Variants in CNTN4 observed in about 807,000 individuals in gnomAD.
CNTN4 encodes contactin 4, also known as contactin-4.
In CNTN4, 77 loss-of-function variants were observed where a neutral mutation model predicts 122.5. That is an observed-to-expected ratio of 0.63 (90% CI 0.52 to 0.76). CNTN4 has a LOEUF of 0.76. Among genes scored for constraint, CNTN4 ranks in the 30% least tolerant of loss-of-function variants. The pLI is 0.00. For synonymous variants in CNTN4, 512 were observed against 447.0 expected, an observed-to-expected ratio of 1.15 and a Z score of -1.83; for missense variants, 1,256 against 1,259.1, an observed-to-expected ratio of 1.00 and a Z score of 0.04.
Position 2,592,468 on chromosome 3 carries a change from G to A in CNTN4, c.55+20910G>A, listed in dbSNP as rs11929252. 4.5e-3 allele frequency among the ~76,000 whole-genome samples: 687 copies of A among 152,286 alleles called. 1 individual carries two copies. The highest frequency in any genetic ancestry group is 0.016 in the African/African-American group (646 of 41,556). ...CTCCCATAATTCCCACATGTTGTGG[G>A]ACGTACCGGGTAAGAGATGATTGAA... is the stretch of plus-strand genomic sequence containing the variant. On this transcript the variant is annotated intron_variant, in intron 4 of 24. Transcript: ENST00000418658.
At chr3:2,108,807 T>C (rs1161185634) in intron 2 of CNTN4, among the ~76,000 whole-genome samples, 2 of 152,212 alleles carry the variant, frequency 1.3e-5, no homozygotes, top group Non-Finnish European at 2.9e-5. Flanking sequence ...GTGAAGATTA[T>C]GTAGAGTACT....
intron 3 of CNTN4, among the ~76,000 whole-genome samples, chr3:2,388,724 A>C (rs1159682234): frequency 1.3e-5 from 2 of 152,164 alleles, no homozygotes; most frequent in Non-Finnish European, 2.9e-5. Context: ...ATGCATCTGC[A>C]ATCCCAGCTA....
intron 13 of CNTN4, among the ~76,000 whole-genome samples, chr3:2,961,737 A>G (rs2094861922): frequency 6.6e-6 from 1 of 152,170 alleles, no homozygotes; most frequent in South Asian, 2.1e-4. Context: ...AATGCTTTAA[A>G]CAGGGCTTAG....
chr3:2,131,324 C>T (rs537967008), intron 2 of CNTN4, among the ~76,000 whole-genome samples: 1 of 152,180 alleles, frequency 6.6e-6, no homozygotes, highest in East Asian at 1.9e-4. Context: ...GATTTGCAGC[C>T]CATAGACTCA....
At chr3:2,606,576 C>G (rs1303381260) in intron 4 of CNTN4, among the ~76,000 whole-genome samples, 1 of 152,182 alleles carries the variant, frequency 6.6e-6, no homozygotes, top group African/African-American at 2.4e-5. Context: ...ATTTAGGAAG[C>G]TATTGTGTTA....
intron 3 of CNTN4, among the ~76,000 whole-genome samples, chr3:2,529,148 C>T (rs2077505595): frequency 6.6e-6 from 1 of 152,102 alleles, no homozygotes; most frequent in Non-Finnish European, 1.5e-5. Flanking sequence ...ACTCTACTCT[C>T]TACTTCTAGG....
chr3:2,306,487 G>A (rs1407521294), intron 2 of CNTN4, among the ~76,000 whole-genome samples: 4 of 152,002 alleles, frequency 2.6e-5, no homozygotes, highest in Admixed American at 6.6e-5. Flanking sequence ...TTTTTTAACT[G>A]GGTCTTTTTT....
chr3:2,530,544 G>C (rs1018636672), intron 3 of CNTN4, among the ~76,000 whole-genome samples: 1 of 151,924 alleles, frequency 6.6e-6, no homozygotes, highest in Non-Finnish European at 1.5e-5. Flanking sequence ...TCCTGACCTC[G>C]TGATCTGCCT....
At chr3:2,270,677 A>G (rs547883385) in intron 2 of CNTN4, among the ~76,000 whole-genome samples, 1 of 128,964 alleles carries the variant, frequency 7.8e-6, no homozygotes, top group East Asian at 2.0e-4. Context: ...GTCATTTTCT[A>G]GCTGGAACCA....
intron 2 of CNTN4, among the ~76,000 whole-genome samples, chr3:2,332,871 A>C (rs947305382): frequency 6.6e-6 from 1 of 151,870 alleles, no homozygotes; most frequent in Non-Finnish European, 1.5e-5. Context: ...TAAAACTTAA[A>C]GTATAATAAT....
At chr3:2,388,851 AAAAC>A (rs1194204208) in intron 3 of CNTN4, among the ~76,000 whole-genome samples, 11 of 151,214 alleles carry the variant, frequency 7.3e-5, no homozygotes, top group Non-Finnish European at 1.3e-4. Flanking sequence ...TCTCAAACAA[AAAAC>A]AAACAAACAA....
At chr3:2,260,467 G>A (rs1343382810) in intron 2 of CNTN4, among the ~76,000 whole-genome samples, 1 of 152,046 alleles carries the variant, frequency 6.6e-6, no homozygotes, top group African/African-American at 2.4e-5. Flanking sequence ...GTGTTATTAG[G>A]ATGAGATTTA....
chr3:2,941,107 A>G (rs982249906), intron 13 of CNTN4, among the ~76,000 whole-genome samples: 4 of 152,348 alleles, frequency 2.6e-5, no homozygotes, highest in African/African-American at 9.6e-5. Flanking sequence ...GAAGGAAAAC[A>G]ATGCAATTTA....
intron 12 of CNTN4, among the ~76,000 whole-genome samples, chr3:2,917,331 C>CGGGAGA (rs1411803640): frequency 3.7e-5 from 5 of 134,932 alleles, no homozygotes; most frequent in African/African-American, 1.4e-4. Flanking sequence ...TGGTGGAAAG[C>CGGGAGA]GGAATAGGGA....
chr3:2,141,179 C>T (rs1260596717), intron 2 of CNTN4, among the ~76,000 whole-genome samples: 26 of 152,136 alleles, frequency 1.7e-4, no homozygotes, highest in Admixed American at 1.7e-3. Context: ...CCAAAGATGC[C>T]AGTGTCCTAA....
At chr3:3,039,363 C>T (rs1699938067) in intron 19 of CNTN4, 2 of 203,680 alleles carry the variant, frequency 9.8e-6, no homozygotes, top group Admixed American at 1.0e-4. Flanking sequence ...ATTCAGTGCA[C>T]CAGCACAATT....
chr3:2,922,769 G>T (rs772398836), intron 12 of CNTN4, among the ~76,000 whole-genome samples: 7 of 151,862 alleles, frequency 4.6e-5, no homozygotes, highest in African/African-American at 1.7e-4. Flanking sequence ...GCAACACCAC[G>T]CCCAGCTAAT....
intron 14 of CNTN4, among the ~76,000 whole-genome samples, chr3:3,023,293 G>T (rs1307581169): frequency 6.6e-6 from 1 of 152,132 alleles, no homozygotes; most frequent in Non-Finnish European, 1.5e-5. Context: ...GCTGCTTTAA[G>T]GCTCAGAACA....
chr3:2,452,702 G>T (rs528081804), intron 3 of CNTN4, among the ~76,000 whole-genome samples: 1 of 152,100 alleles, frequency 6.6e-6, no homozygotes, highest in Non-Finnish European at 1.5e-5. Flanking sequence ...CTGTTTATGA[G>T]TTGGAAAAAG....
Sources: allele counts gnomAD v4.1 joint callset (sites outside exome capture counted in the v4.1 genomes callset), GRCh38; gene constraint gnomAD v4.1.1; transcripts MANE v1.5; gene names NCBI Gene and HGNC (gene_info 2026-07-23, HGNC 2026-07-21).